The following RHBDL3 variants were observed in gnomAD, a reference collection of about 807,000 sequenced individuals.
The protein encoded by RHBDL3 is rhomboid-related protein 3.
In RHBDL3, 28 loss-of-function variants were observed where a neutral mutation model predicts 48.2. The observed-to-expected ratio is 0.58, with a 90% CI of 0.43 to 0.80. The LOEUF (loss-of-function observed/expected upper bound fraction) is 0.80, where lower values mean the gene tolerates loss of function less well. Ranked by LOEUF, RHBDL3 falls within the 30% of genes least tolerant of loss-of-function variation. The pLI, the probability that RHBDL3 is intolerant of heterozygous loss-of-function variation, is 0.00. For missense variants in RHBDL3, 464 were observed against 542.7 expected, an observed-to-expected ratio of 0.85 and a Z score of 1.44; for synonymous variants, 208 against 232.3, an observed-to-expected ratio of 0.90 and a Z score of 0.95.
Position 32,266,146 on chromosome 17 carries a change from G to A in RHBDL3, c.-44G>A. On this transcript the variant is annotated 5_prime_UTR_variant, in exon 1 of 9. Coordinates refer to ENST00000269051, the MANE Select transcript of RHBDL3 (RefSeq NM_138328.3). The stretch of plus-strand genomic sequence containing the variant: ...GCGCAAAGTTAGCCCGGCGCCCCGG[G>A]ACGAGCCCCGCAGCCGCCGCCGCCC... 1.3e-6 allele frequency: 1 copy of A among 789,850 alleles called. No homozygotes were observed. Among genetic ancestry groups the A allele is most frequent in the African/African-American group, 1.9e-5 (1 of 53,480 alleles). The allele number at this position is 789,850 out of a possible 1,614,324, so 48.9% of individuals were successfully genotyped here.
chr17:32,284,463 GA>G (rs2040146361), intron 2 of RHBDL3, 195 bp from the exon 3 acceptor site: 2 of 547,840 alleles, frequency 3.7e-6, no homozygotes, highest in African/African-American at 1.9e-5. Context: ...GGGTGATCCT[GA>G]AGGTCTGCAG....
At chr17:32,306,043 G>A (rs2040703916) in intron 7 of RHBDL3, among the ~76,000 whole-genome samples, 1 of 152,206 alleles carries the variant, frequency 6.6e-6, no homozygotes, top group Admixed American at 6.5e-5. Flanking sequence ...AAAGGAGGCT[G>A]TGAGAGGTTA....
At chr17:32,300,071 C>G (rs1001586671) in intron 6 of RHBDL3, among the ~76,000 whole-genome samples, 2 of 152,212 alleles carry the variant, frequency 1.3e-5, no homozygotes. Flanking sequence ...CACTGCTGCT[C>G]TCCCCCAGCA....
At chr17:32,270,668 G>A (rs1373058189) in intron 2 of RHBDL3, among the ~76,000 whole-genome samples, 2 of 151,922 alleles carry the variant, frequency 1.3e-5, no homozygotes, top group South Asian at 4.2e-4. Flanking sequence ...TCCATGCCAC[G>A]CACCCTCACT....
chr17:32,301,181 C>T (rs762347173), intron 6 of RHBDL3, among the ~76,000 whole-genome samples: 5 of 151,698 alleles, frequency 3.3e-5, no homozygotes, highest in Admixed American at 6.6e-5. Context: ...CGCCTGGCAG[C>T]CCCCTGTGCT....
chr17:32,283,458 G>A (rs1304074126), intron 2 of RHBDL3, among the ~76,000 whole-genome samples: 2 of 151,646 alleles, frequency 1.3e-5, no homozygotes, highest in East Asian at 1.9e-4. Flanking sequence ...CGAGTAGCTG[G>A]GACTACAGGC....
rs144733721 is a variant in RHBDL3, at chr17:32,267,652, C to G, written c.112-250C>G. The G allele has an allele frequency of 7.3e-3, 2,966 of 407,876 alleles. 55 individuals are homozygous for G. The highest frequency in any genetic ancestry group is 8.4e-3 in the Admixed American group (131 of 15,554). The allele number at this position is 407,876 out of a possible 1,614,324, so 25.3% of individuals were successfully genotyped here. ...CAGTTCCAGAACCAGCAACACCCAC[C>G]TTGCCGCCCCCGCCCCCACCCCATC... On this transcript the variant is annotated intron_variant, in intron 1 of 8. Transcript: ENST00000269051.
chr17:32,289,287 C>T (rs1020612694), intron 4 of RHBDL3, among the ~76,000 whole-genome samples: 3 of 152,062 alleles, frequency 2.0e-5, no homozygotes, highest in African/African-American at 2.4e-5. Context: ...AGGACCACTA[C>T]CCCCCACCCA....
intron 3 of RHBDL3, among the ~76,000 whole-genome samples, chr17:32,286,302 G>A (rs1186092809): frequency 6.6e-6 from 1 of 152,234 alleles, no homozygotes; most frequent in Non-Finnish European, 1.5e-5. Context: ...GCTCAGGACA[G>A]CAAGTTACTT....
At chr17:32,300,713 G>A (rs1422178665) in intron 6 of RHBDL3, among the ~76,000 whole-genome samples, 3 of 152,156 alleles carry the variant, frequency 2.0e-5, no homozygotes, top group African/African-American at 7.2e-5. Flanking sequence ...ATGATGAGGG[G>A]TTTGCGGATG....
chr17:32,289,768 A>C (rs561033484), intron 4 of RHBDL3, among the ~76,000 whole-genome samples: 1 of 152,324 alleles, frequency 6.6e-6, no homozygotes, highest in African/African-American at 2.4e-5. Context: ...GCAGCTCCTG[A>C]ATGGATGCTT....
At position 32,323,223 on chromosome 17, in the gene RHBDL3, G is replaced by A. The variant is rs2041182475; in HGVS notation, c.*1994G>A. On this transcript the variant is annotated 3_prime_UTR_variant, in exon 9 of 9. Coordinates refer to ENST00000269051, the MANE Select transcript of RHBDL3 (RefSeq NM_138328.3). The stretch of plus-strand genomic sequence containing the variant: ...TGAGGGCCGCAGCCTGTGGCACTGT[G>A]GGCCCACGCCTTTGGCGGTGTTGCG... 6.6e-6 allele frequency: 1 copy of A among 152,492 alleles called. No individual in the cohort carries two copies. The allele number at this position is 152,492 out of a possible 1,614,324, so 9.4% of individuals were successfully genotyped here.
chr17:32,268,783 A>G (rs2039696202), intron 2 of RHBDL3, among the ~76,000 whole-genome samples: 1 of 152,180 alleles, frequency 6.6e-6, no homozygotes, highest in Admixed American at 6.5e-5. Flanking sequence ...CGTTGTAGGC[A>G]GGGGAAGCCT....
intron 1 of RHBDL3, among the ~76,000 whole-genome samples, chr17:32,267,223 C>T (rs1346581227): frequency 6.6e-6 from 1 of 152,070 alleles, no homozygotes; most frequent in African/African-American, 2.4e-5. Flanking sequence ...TTGGCGTCTG[C>T]GGTTAAATCT....
In RHBDL3 at chr17:32,288,824, A is replaced by C. The variant is rs2040257709; in HGVS notation, c.327A>C (p.Gln109His). Residue 109 changes from glutamine (Q) to histidine (H), a missense_variant, in exon 4 of 9, where the codon CAA becomes CAC. Transcript: ENST00000269051. ...ACAAGCGTTCCAACAGCTTCCGCCA[A>C]GCCATCCTGCAGGGCAACCGCAGGC... ...MSNKRSNSFR[Q>H]AILQGNRRLS... 6.2e-7 allele frequency: 1 copy of C among 1,613,502 alleles called. No individual in the cohort carries two copies. Among genetic ancestry groups the C allele is most frequent in the African/African-American group, 1.3e-5 (1 of 74,918 alleles).
chr17:32,291,332 C>CAAAAAAGA (rs1260310092), intron 4 of RHBDL3, among the ~76,000 whole-genome samples: 3 of 126,850 alleles, frequency 2.4e-5, no homozygotes, highest in Non-Finnish European at 3.4e-5. Context: ...GACTCCGTCT[C>CAAAAAAGA]AAAAAAGAAA....
In RHBDL3 at chr17:32,323,873, C is replaced by T. The variant is rs2041199325; in HGVS notation, c.*2644C>T. The T allele has an allele frequency of 6.6e-6, 1 of 152,524 alleles. No individual in the cohort carries two copies. Among genetic ancestry groups the T allele is most frequent in the Non-Finnish European group, 1.5e-5 (1 of 68,194 alleles). The allele number at this position is 152,524 out of a possible 1,614,324, so 9.4% of individuals were successfully genotyped here. ...TCACTTCACCTGACCCAGGCCTCTC[C>T]CCAGGTCAGGAGGCAGCTGTCTGGT... On this transcript the variant is annotated 3_prime_UTR_variant, in exon 9 of 9. Coordinates refer to ENST00000269051, the MANE Select transcript of RHBDL3 (RefSeq NM_138328.3).
At chr17:32,267,362 C>CA (rs2039659423) in intron 1 of RHBDL3, among the ~76,000 whole-genome samples, 1 of 139,814 alleles carries the variant, frequency 7.2e-6, no homozygotes, top group Non-Finnish European at 1.5e-5. Flanking sequence ...CGCAAAAAAA[C>CA]AAAAAACGAA....
chr17:32,274,867 A>AGTGTGCATGTGTGTGT (rs1479415269), intron 2 of RHBDL3, among the ~76,000 whole-genome samples: 1 of 151,890 alleles, frequency 6.6e-6, no homozygotes, highest in African/African-American at 2.4e-5. Context: ...TGTGTGCAAG[A>AGTGTGCATGTGTGTGT]GTGTGCATGT....
Sources: gnomAD v4.1 joint callset for allele counts (sites outside exome capture counted in the v4.1 genomes callset) on GRCh38, gnomAD v4.1.1 for gene constraint, MANE v1.5 for transcripts, NCBI Gene and HGNC (gene_info 2026-07-23, HGNC 2026-07-21) for gene names.